The following NYAP2 variants were observed in gnomAD, a reference collection of about 807,000 sequenced individuals.
NYAP2 encodes the protein neuronal tyrosine-phosphorylated phosphoinositide-3-kinase adapter 2.
A neutral mutation model predicts 50.4 loss-of-function variants in NYAP2; 23 were observed. That is an observed-to-expected ratio of 0.46 (90% CI 0.33 to 0.65). The LOEUF (loss-of-function observed/expected upper bound fraction) is 0.65. Ranked by LOEUF, NYAP2 falls within the 30% of genes least tolerant of loss-of-function variation. The pLI is 0.02. For missense variants in NYAP2, 885 were observed against 861.0 expected (o/e 1.03, Z -0.35); for synonymous variants, 394 against 365.2 (o/e 1.08, Z -0.90).
chr2:225,442,310 G>A (rs1386823899), intron 3 of NYAP2, among the ~76,000 whole-genome samples: 1 of 152,186 alleles, frequency 6.6e-6, no homozygotes. Context: ...TTCTATTTCA[G>A]TAGTAGTTCT....
At chr2:225,505,527 T>C (rs932788170) in intron 3 of NYAP2, among the ~76,000 whole-genome samples, 4 of 152,212 alleles carry the variant, frequency 2.6e-5, no homozygotes, top group African/African-American at 7.2e-5. Flanking sequence ...ATAAAGCAGT[T>C]AATTATTTTT....
At chr2:225,622,518 C>CTTCTTTCT (rs1553557351) in intron 5 of NYAP2, among the ~76,000 whole-genome samples, 1,952 of 70,252 alleles carry the variant, frequency 0.028, 41 homozygotes, top group East Asian at 0.09. Context: ...TTCTTTCTTT[C>CTTCTTTCT]TTCTTTCTTT....
intron 6 of NYAP2, among the ~76,000 whole-genome samples, chr2:225,639,683 T>C (rs1434590283): frequency 6.6e-6 from 1 of 152,340 alleles, no homozygotes; most frequent in South Asian, 2.1e-4. Context: ...GCTTATTCTT[T>C]CATTTATTCA....
chr2:225,610,427 C>T (rs568857387), intron 5 of NYAP2, among the ~76,000 whole-genome samples: 4 of 152,218 alleles, frequency 2.6e-5, no homozygotes, highest in Non-Finnish European at 5.9e-5. Context: ...CCTTCATTAC[C>T]TTGTTAAAGG....
chr2:225,545,622 C>A (rs1048939639), intron 4 of NYAP2, among the ~76,000 whole-genome samples: 1 of 152,104 alleles, frequency 6.6e-6, no homozygotes, highest in Non-Finnish European at 1.5e-5. Context: ...TGAGTTTCCT[C>A]AAAACAGCTA....
intron 3 of NYAP2, among the ~76,000 whole-genome samples, chr2:225,452,733 A>G (rs898104830): frequency 9.9e-5 from 15 of 152,138 alleles, no homozygotes; most frequent in Admixed American, 9.8e-4. Flanking sequence ...TTCCAAGTCA[A>G]TAGTAAAAGA....
intron 3 of NYAP2, among the ~76,000 whole-genome samples, chr2:225,456,821 G>A (rs938723212): frequency 1.3e-5 from 2 of 152,126 alleles, no homozygotes; most frequent in Non-Finnish European, 2.9e-5. Context: ...CTATCTGAGT[G>A]CACCTAAAGG....
chr2:225,524,539 A>T (rs1691119579), intron 4 of NYAP2, among the ~76,000 whole-genome samples: 1 of 152,102 alleles, frequency 6.6e-6, no homozygotes, highest in African/African-American at 2.4e-5. Flanking sequence ...TCGAATTGAC[A>T]CTCAGTATTA....
At chr2:225,610,740 T>G (rs2106247044) in intron 5 of NYAP2, among the ~76,000 whole-genome samples, 1 of 152,226 alleles carries the variant, frequency 6.6e-6, no homozygotes, top group South Asian at 2.1e-4. Flanking sequence ...TAATAATATA[T>G]CTTTTGGAAT....
intron 4 of NYAP2, among the ~76,000 whole-genome samples, chr2:225,546,757 G>A (rs1235809682): frequency 6.6e-6 from 1 of 151,998 alleles, no homozygotes; most frequent in African/African-American, 2.4e-5. Flanking sequence ...CAAGCAGAAG[G>A]AGTCTCTCCC....
intron 3 of NYAP2, among the ~76,000 whole-genome samples, chr2:225,484,188 A>AAAG: frequency 6.6e-6 from 1 of 152,226 alleles, no homozygotes; most frequent in South Asian, 2.1e-4. Context: ...AAATGCCAAC[A>AAAG]GCAATTAAAG....
chr2:225,499,791 G>A (rs760528549), intron 3 of NYAP2, among the ~76,000 whole-genome samples: 4 of 152,124 alleles, frequency 2.6e-5, no homozygotes, highest in Non-Finnish European at 4.4e-5. Context: ...CTCAATAGAT[G>A]TTTGTGAATT....
At chr2:225,529,640 A>G (rs1353623317) in intron 4 of NYAP2, among the ~76,000 whole-genome samples, 1 of 149,600 alleles carries the variant, frequency 6.7e-6, no homozygotes, top group Non-Finnish European at 1.5e-5. Flanking sequence ...CTATATTTAT[A>G]TAAGCATGTT....
chr2:225,548,360 T>A (rs1179682333), intron 4 of NYAP2, among the ~76,000 whole-genome samples: 1 of 150,088 alleles, frequency 6.7e-6, no homozygotes, highest in African/African-American at 2.5e-5. Flanking sequence ...TGATTCTTAA[T>A]CTTCTAGAAC....
At chr2:225,685,463 T>G in the NYAP2 span, among the ~76,000 whole-genome samples, 1 of 152,206 alleles carries the variant, frequency 6.6e-6, no homozygotes, top group Non-Finnish European at 1.5e-5. Context: ...TACAGAATTC[T>G]TGCTCATTTA....
At chr2:225,601,295 AT>A (rs1275207256) in intron 5 of NYAP2, among the ~76,000 whole-genome samples, 2 of 151,842 alleles carry the variant, frequency 1.3e-5, no homozygotes, top group East Asian at 3.9e-4. Flanking sequence ...TAATTTTTGT[AT>A]TTTTAGTAGA....
chr2:225,670,915 A>C, the NYAP2 span, among the ~76,000 whole-genome samples: 1 of 152,150 alleles, frequency 6.6e-6, no homozygotes, highest in Non-Finnish European at 1.5e-5. Flanking sequence ...CATTGTGTCT[A>C]AACAATGTAC....
At chr2:225,422,305 G>A (rs904589600) in intron 3 of NYAP2, among the ~76,000 whole-genome samples, 1 of 152,182 alleles carries the variant, frequency 6.6e-6, no homozygotes, top group Non-Finnish European at 1.5e-5. Context: ...ATCCACTGAA[G>A]CTGTGCAATC....
intron 3 of NYAP2, among the ~76,000 whole-genome samples, chr2:225,467,107 G>A (rs10933093): frequency 0.15 from 22,480 of 152,112 alleles, 2,264 homozygotes; most frequent in East Asian, 0.39. Context: ...TGCCTGCGCA[G>A]TGGCCTGTCA....
Sources: allele counts gnomAD v4.1 joint callset (sites outside exome capture counted in the v4.1 genomes callset), GRCh38; gene constraint gnomAD v4.1.1; transcripts MANE v1.5; gene names NCBI Gene and HGNC (gene_info 2026-07-23, HGNC 2026-07-21).